The following VTA1 variants were observed in gnomAD, a reference collection of about 807,000 sequenced individuals.
VTA1 encodes vesicle trafficking 1, also known as vacuolar protein sorting-associated protein VTA1 homolog.
A neutral mutation model predicts 36.9 loss-of-function variants in VTA1; 24 were observed. That is an observed-to-expected ratio of 0.65 (90% CI 0.47 to 0.91). The LOEUF is 0.91. Among genes scored for constraint, VTA1 ranks in the 40% least tolerant of loss-of-function variants. VTA1 has a pLI of 0.00. For synonymous variants in VTA1, 142 were observed against 130.2 expected (o/e 1.09, Z -0.62); for missense variants, 393 against 377.2 (o/e 1.04, Z -0.35).
intron 5 of VTA1, among the ~76,000 whole-genome samples, chr6:142,197,578 C>T (rs761414173): frequency 2.6e-5 from 4 of 152,156 alleles, no homozygotes; most frequent in Admixed American, 1.3e-4. Flanking sequence ...TTCTGCATAG[C>T]TAAATGCAAA....
chr6:142,197,440 G>T (rs1396479483), intron 5 of VTA1, among the ~76,000 whole-genome samples: 1 of 152,184 alleles, frequency 6.6e-6, no homozygotes, highest in Non-Finnish European at 1.5e-5. Flanking sequence ...ATGACTCCCA[G>T]TAGCGGCTGA....
chr6:142,209,430 T>G (rs1285223529), intron 7 of VTA1, among the ~76,000 whole-genome samples: 11 of 149,790 alleles, frequency 7.3e-5, no homozygotes, highest in Non-Finnish European at 1.3e-4. Context: ...AAAATTCTGA[T>G]GAACATAATA....
chr6:142,155,039 C>G (rs1436707269), intron 1 of VTA1, among the ~76,000 whole-genome samples: 1 of 152,006 alleles, frequency 6.6e-6, no homozygotes, highest in African/African-American at 2.4e-5. Flanking sequence ...AAAATATTTT[C>G]CTCTTGAGCC....
At chr6:142,171,771 G>GT (rs1213806997) in intron 4 of VTA1, among the ~76,000 whole-genome samples, 4 of 148,610 alleles carry the variant, frequency 2.7e-5, no homozygotes, top group Non-Finnish European at 5.9e-5. Context: ...TATGGGCAAT[G>GT]TTTTTTTTGT....
intron 5 of VTA1, among the ~76,000 whole-genome samples, chr6:142,196,085 T>G (rs1433789302): frequency 6.6e-6 from 1 of 152,170 alleles, no homozygotes; most frequent in Non-Finnish European, 1.5e-5. Context: ...TGAGACTCTG[T>G]TATTATATTA....
intron 7 of VTA1, among the ~76,000 whole-genome samples, chr6:142,206,568 G>A (rs1303763342): frequency 2.0e-5 from 3 of 152,158 alleles, no homozygotes; most frequent in Non-Finnish European, 2.9e-5. Context: ...ATCCCAGCAA[G>A]TTATTTGGTG....
At chr6:142,164,039 A>G (rs2032320853) in intron 1 of VTA1, among the ~76,000 whole-genome samples, 1 of 152,138 alleles carries the variant, frequency 6.6e-6, no homozygotes, top group African/African-American at 2.4e-5. Flanking sequence ...TAGCTTCAGT[A>G]TAGCATAGGG....
chr6:142,201,157 A>G (rs1011655321), intron 6 of VTA1, among the ~76,000 whole-genome samples: 1 of 151,904 alleles, frequency 6.6e-6, no homozygotes, highest in Non-Finnish European at 1.5e-5. Flanking sequence ...AGATGTTGAA[A>G]TCTCCTCCTT....
chr6:142,175,850 T>G (rs952770572), intron 4 of VTA1, among the ~76,000 whole-genome samples: 3 of 152,092 alleles, frequency 2.0e-5, no homozygotes, highest in African/African-American at 7.2e-5. Flanking sequence ...TCCTTCAACA[T>G]TTTTGTTTTT....
intron 1 of VTA1, among the ~76,000 whole-genome samples, chr6:142,158,353 G>T (rs1335582310): frequency 6.6e-6 from 1 of 152,096 alleles, no homozygotes; most frequent in African/African-American, 2.4e-5. Flanking sequence ...TTTATGGCCT[G>T]CATGACCTTA....
At chr6:142,151,676 C>T (rs1321026608) in intron 1 of VTA1, among the ~76,000 whole-genome samples, 3 of 152,332 alleles carry the variant, frequency 2.0e-5, no homozygotes, top group South Asian at 2.1e-4. Context: ...TCTCTTTAAA[C>T]TAAATGAGCT....
intron 1 of VTA1, among the ~76,000 whole-genome samples, chr6:142,153,870 G>T (rs756594465): frequency 6.6e-5 from 10 of 152,072 alleles, no homozygotes; most frequent in Admixed American, 6.5e-4. Flanking sequence ...ACATGTAGTT[G>T]TAAGAAATAT....
At chr6:142,200,505 T>A (rs1483715886) in intron 6 of VTA1, among the ~76,000 whole-genome samples, 1 of 151,928 alleles carries the variant, frequency 6.6e-6, no homozygotes, top group Non-Finnish European at 1.5e-5. Context: ...TCAGTATATA[T>A]TTTATATATA....
chr6:142,167,167 T>G (rs1774932910), intron 2 of VTA1, among the ~76,000 whole-genome samples: 1 of 152,176 alleles, frequency 6.6e-6, no homozygotes, highest in Non-Finnish European at 1.5e-5. Context: ...AGTCACCTTC[T>G]TGAACCTAAT....
At chr6:142,181,471 A>G (rs1480705379) in intron 4 of VTA1, among the ~76,000 whole-genome samples, 2 of 148,004 alleles carry the variant, frequency 1.4e-5, no homozygotes, top group Non-Finnish European at 3.0e-5. Context: ...ATATATATAT[A>G]TATGTATATG....
rs528680383 is a variant in VTA1 at position 142,222,299 on chromosome 6, A to G, written c.*3656A>G. ...TGAAACTGATAACGGTGTTTTGTCA[A>G]TGCGGCAGAGGGAGAAGAAGAAATA... is the stretch of plus-strand genomic sequence containing the variant. On this transcript the variant is annotated 3_prime_UTR_variant, in exon 8 of 8. Transcript: ENST00000367630. 6.6e-6 allele frequency: 1 copy of G among 152,328 alleles called. No individual in the cohort carries two copies. The highest frequency in any genetic ancestry group is 2.4e-5 in the African/African-American group (1 of 41,576). The allele number at this position is 152,328 out of a possible 1,614,324, so 9.4% of individuals were successfully genotyped here.
intron 4 of VTA1, among the ~76,000 whole-genome samples, chr6:142,175,829 A>G (rs547448549): frequency 1.3e-5 from 2 of 151,456 alleles, no homozygotes; most frequent in Non-Finnish European, 1.5e-5. Context: ...ACTAAAGTCT[A>G]TTTTCTTTAG....
intron 4 of VTA1, among the ~76,000 whole-genome samples, chr6:142,172,666 C>T (rs1170010464): frequency 6.6e-6 from 1 of 152,128 alleles, no homozygotes; most frequent in Admixed American, 6.5e-5. Context: ...ATTTTCTTTT[C>T]TTCTCTGTTT....
intron 1 of VTA1, among the ~76,000 whole-genome samples, chr6:142,159,680 AT>A (rs1308471933): frequency 6.6e-6 from 1 of 151,002 alleles, no homozygotes; most frequent in East Asian, 2.0e-4. Context: ...CACCCAGCTA[AT>A]TTTTTGTATT....
Sources: gnomAD v4.1 joint callset for allele counts (sites outside exome capture counted in the v4.1 genomes callset) on GRCh38, gnomAD v4.1.1 for gene constraint, MANE v1.5 for transcripts, NCBI Gene and HGNC (gene_info 2026-07-23, HGNC 2026-07-21) for gene names.